The following GPC5 variants were observed in gnomAD, a reference collection of about 807,000 sequenced individuals.
GPC5 encodes the protein glypican 5.
GPC5 carries 47 observed loss-of-function variants against 53.9 expected under a neutral mutation model. That is an observed-to-expected ratio of 0.87 (90% CI 0.69 to 1.11). GPC5 has a LOEUF of 1.11. Ranked by LOEUF, GPC5 falls within the 50% of genes most tolerant of loss-of-function variation. The probability of loss-of-function intolerance (pLI) is 0.00; values close to 1 mark genes in which losing one functional copy is unlikely to be tolerated. For synonymous variants in GPC5, 286 were observed against 263.3 expected, an observed-to-expected ratio of 1.09 and a Z score of -0.84; for missense variants, 748 against 713.1, an observed-to-expected ratio of 1.05 and a Z score of -0.56.
intron 7 of GPC5, among the ~76,000 whole-genome samples, chr13:92,487,139 G>A (rs1299484784): frequency 6.6e-6 from 1 of 152,102 alleles, no homozygotes; most frequent in African/African-American, 2.4e-5. Context: ...TACAGGGGCC[G>A]TGCCCAGCCA....
intron 7 of GPC5, among the ~76,000 whole-genome samples, chr13:92,223,213 G>T (rs1330996): frequency 0.036 from 5,433 of 152,212 alleles, 338 homozygotes; most frequent in African/African-American, 0.12. Context: ...TTTTATGGAA[G>T]TTGGACTTAG....
chr13:92,257,851 A>C (rs917873050), intron 7 of GPC5, among the ~76,000 whole-genome samples: 2 of 152,016 alleles, frequency 1.3e-5, no homozygotes, highest in Admixed American at 1.3e-4. Context: ...CGCCTGGCCT[A>C]CAGGGGTGTT....
At chr13:92,111,990 A>G (rs1210710679) in intron 6 of GPC5, among the ~76,000 whole-genome samples, 1 of 152,234 alleles carries the variant, frequency 6.6e-6, no homozygotes, top group East Asian at 1.9e-4. Flanking sequence ...GATTAGATGG[A>G]TAAGAAACAA....
At chr13:92,279,867 G>T (rs765722418) in intron 7 of GPC5, among the ~76,000 whole-genome samples, 1 of 152,004 alleles carries the variant, frequency 6.6e-6, no homozygotes, top group African/African-American at 2.4e-5. Context: ...ATATTTTTCT[G>T]TAGTTTTCTT....
intron 2 of GPC5, among the ~76,000 whole-genome samples, chr13:91,645,157 G>A (rs2034528459): frequency 6.6e-6 from 1 of 152,190 alleles, no homozygotes; most frequent in South Asian, 2.1e-4. Flanking sequence ...ACATCTAGAA[G>A]AAGCTCTTTC....
chr13:92,818,930 T>A (rs1253394980), intron 7 of GPC5, among the ~76,000 whole-genome samples: 1 of 151,992 alleles, frequency 6.6e-6, no homozygotes, highest in East Asian at 1.9e-4. Context: ...TAGATTAAAT[T>A]AGATTTTCAT....
chr13:91,876,996 T>C (rs965573759), intron 5 of GPC5, among the ~76,000 whole-genome samples: 1 of 152,200 alleles, frequency 6.6e-6, no homozygotes, highest in Non-Finnish European at 1.5e-5. Flanking sequence ...AAATGTGACT[T>C]CAGAGGGTGC....
chr13:92,011,115 A>G (rs1368814351), intron 6 of GPC5, among the ~76,000 whole-genome samples: 2 of 151,936 alleles, frequency 1.3e-5, no homozygotes, highest in Admixed American at 1.3e-4. Context: ...GTAGATAACT[A>G]TATAGATAAG....
intron 6 of GPC5, among the ~76,000 whole-genome samples, chr13:92,050,759 G>A (rs937636861): frequency 1.8e-4 from 28 of 152,200 alleles, no homozygotes; most frequent in African/African-American, 5.8e-4. Context: ...ACAAATTGGG[G>A]CATCATTTTT....
chr13:91,522,104 A>G (rs1885849368), intron 2 of GPC5, among the ~76,000 whole-genome samples: 2 of 152,222 alleles, frequency 1.3e-5, no homozygotes, highest in Non-Finnish European at 2.9e-5. Flanking sequence ...ATATTTAGCT[A>G]TTCGGAACCC....
At position 91,867,363 on chromosome 13, in the gene GPC5, T is replaced by C. The variant is rs191343872; in HGVS notation, c.1281-40574T>C. Among the ~76,000 whole-genome samples, 6 of 152,328 alleles carry C rather than the reference T, an allele frequency of 3.9e-5. No individual in the cohort carries two copies. The East Asian group carries it at 1.2e-3, about 29-fold the overall frequency. ...TGCCTGAACTCTAATCTTCTACACC[T>C]TTTGCAGAAAAGAGAGTAATGTGGC... On this transcript the variant is annotated intron_variant, in intron 5 of 7. Coordinates refer to ENST00000377067, the MANE Select transcript of GPC5 (RefSeq NM_004466.6).
intron 1 of GPC5, among the ~76,000 whole-genome samples, chr13:91,446,889 C>T (rs771321729): frequency 5.3e-5 from 8 of 152,154 alleles, no homozygotes; most frequent in East Asian, 1.9e-4. Flanking sequence ...TTGCTGCATG[C>T]GCGCATGAGA....
At chr13:92,760,464 A>G (rs1044106950) in intron 7 of GPC5, among the ~76,000 whole-genome samples, 13 of 151,864 alleles carry the variant, frequency 8.6e-5, no homozygotes, top group Non-Finnish European at 1.8e-4. Context: ...TTCACATGCA[A>G]TTTTTCATAA....
intron 6 of GPC5, among the ~76,000 whole-genome samples, chr13:91,992,162 G>A (rs1408289500): frequency 3.9e-5 from 6 of 152,060 alleles, no homozygotes; most frequent in Admixed American, 3.9e-4. Flanking sequence ...CTCCCAAGTA[G>A]CAGGGACTAT....
At chr13:92,224,548 A>C (rs981754588) in intron 7 of GPC5, among the ~76,000 whole-genome samples, 4 of 152,204 alleles carry the variant, frequency 2.6e-5, no homozygotes, top group Non-Finnish European at 5.9e-5. Context: ...CACCATTCCC[A>C]AAGCTGATAA....
chr13:92,208,794 G>A (rs1472547279), intron 7 of GPC5, among the ~76,000 whole-genome samples: 1 of 152,090 alleles, frequency 6.6e-6, no homozygotes, highest in Admixed American at 6.6e-5. Context: ...TTCAGATAAA[G>A]GATAACAAGC....
chr13:92,665,597 G>A (rs1033263104), intron 7 of GPC5, among the ~76,000 whole-genome samples: 2 of 152,150 alleles, frequency 1.3e-5, no homozygotes, highest in African/African-American at 4.8e-5. Flanking sequence ...AGGGTTGTCC[G>A]TGGGACACTA....
In GPC5 at chr13:91,650,750, G is replaced by GTTT. The variant is rs67507888; in HGVS notation, c.326-42417_326-42415dup. Among the ~76,000 whole-genome samples, 895 of 99,588 alleles carry GTTT rather than the reference G, an allele frequency of 9.0e-3. 42 individuals are homozygous for GTTT. The highest frequency in any genetic ancestry group is 0.033 in the African/African-American group (811 of 24,662). 65.3% of individuals were successfully genotyped at this position (99,588 alleles called of 152,430 possible). A position where few individuals can be genotyped will look rare whatever the true frequency, so the allele number is the denominator to read the frequency against. On this transcript the variant is annotated intron_variant, in intron 2 of 7. Transcript: ENST00000377067. ...CATCTGTGAAACAAAATTCCCATAA[G>GTTT]TTTTTTTTTTTTTTTTTTTTTTAGC...
At chr13:91,713,172 TA>T (rs1373170812) in intron 3 of GPC5, among the ~76,000 whole-genome samples, 1 of 152,080 alleles carries the variant, frequency 6.6e-6, no homozygotes, top group African/African-American at 2.4e-5. Flanking sequence ...GCCTGGGTGA[TA>T]GAGAGAGACT....
Sources: gnomAD v4.1 joint callset for allele counts (sites outside exome capture counted in the v4.1 genomes callset) on GRCh38, gnomAD v4.1.1 for gene constraint, MANE v1.5 for transcripts, NCBI Gene and HGNC (gene_info 2026-07-23, HGNC 2026-07-21) for gene names.